Variants in EDARADD observed in about 807,000 individuals in gnomAD.
The protein encoded by EDARADD is EDAR associated via death domain, also known as ectodysplasin-A receptor-associated adapter protein.
In EDARADD, 20 loss-of-function variants were observed where a neutral mutation model predicts 25.6. That is an observed-to-expected ratio of 0.78 (90% confidence interval 0.55 to 1.14). EDARADD has a LOEUF of 1.14. EDARADD is among the 50% of genes most tolerant of loss of function. The pLI, the probability that EDARADD is intolerant of heterozygous loss-of-function variation, is 0.00. For missense variants in EDARADD, 225 were observed against 270.1 expected, an observed-to-expected ratio of 0.83 and a Z score of 1.17; for synonymous variants, 86 against 94.4, an observed-to-expected ratio of 0.91 and a Z score of 0.52.
At position 236,427,806 on chromosome 1, in the gene EDARADD, C is replaced by T. The variant is rs527635583; in HGVS notation, c.219+356C>T. Among the ~76,000 whole-genome samples, 15 of 152,092 alleles carry T rather than the reference C, an allele frequency of 9.9e-5. No homozygotes were observed. In the East Asian group the frequency reaches 2.1e-3, roughly 22 times the overall value. ...CAAAACTAGATACTCTAATATAATA[C>T]TTGTAATGCTTTATTAAACTTTAAT... On this transcript the variant is annotated intron_variant, in intron 4 of 5. Transcript: ENST00000334232.
chr1:236,463,325 A>T (rs554359586), intron 4 of EDARADD, among the ~76,000 whole-genome samples: 55 of 152,224 alleles, frequency 3.6e-4, no homozygotes, highest in African/African-American at 1.3e-3. Context: ...ACCTTTTTTA[A>T]CTCTGTCATC....
At position 236,424,642 on chromosome 1, in the gene EDARADD, C is replaced by T. The variant is rs529185664; in HGVS notation, c.161-2750C>T. On this transcript the variant is annotated intron_variant, in intron 3 of 5. Transcript: ENST00000334232. ...GGGGCCTTCCCTGTGGCAGTGGTTG[C>T]TCTCATATAGTTTAAAAACTGTGGG... Among the ~76,000 whole-genome samples the T allele has an allele frequency of 1.1e-4, 17 of 152,188 alleles. 1 individual carries two copies. The East Asian group carries it at 3.3e-3, about 29-fold the overall frequency.
chr1:236,433,309 C>T (rs1240564081), intron 4 of EDARADD, among the ~76,000 whole-genome samples: 1 of 121,368 alleles, frequency 8.2e-6, no homozygotes, highest in Non-Finnish European at 1.6e-5. Flanking sequence ...GTAATCCCAG[C>T]ACTTTGGGGG....
intron 2 of EDARADD, among the ~76,000 whole-genome samples, chr1:236,409,500 G>T (rs1657362437): frequency 6.6e-6 from 1 of 151,978 alleles, no homozygotes; most frequent in South Asian, 2.1e-4. Flanking sequence ...TGCTCATGTT[G>T]GAGGTGATAT....
rs573338034 is a variant in EDARADD, at chr1:236,366,099, G to A, written c.-6+15260G>A. On this transcript the variant is annotated intron_variant, in intron 3 of 7. Transcript: ENST00000439430. ...TCGGTGTCAGTTCTGGGACAGTTACGATTGATTACTCTCTCATTATGGGTC... is the reference window on the plus strand; with the variant it reads ...TCGGTGTCAGTTCTGGGACAGTTACAATTGATTACTCTCTCATTATGGGTC... Among the ~76,000 whole-genome samples the A allele has an allele frequency of 9.2e-5, 14 of 152,314 alleles. No homozygotes were observed. The East Asian group carries it at 1.3e-3, about 15-fold the overall frequency.
Position 236,369,918 on chromosome 1 carries a change from C to T in EDARADD, c.-6+19079C>T, listed in dbSNP as rs1360840508. Among the ~76,000 whole-genome samples, 4 of 152,330 alleles carry T rather than the reference C, an allele frequency of 2.6e-5. No homozygotes were observed. The East Asian group carries it at 5.8e-4, about 22-fold the overall frequency. Reference sequence around the variant, plus strand: ...GTTATCATACTTCAATTGTCCTACACATCCCTTCTGAACCACCACTTCTCT... The same window carrying T: ...GTTATCATACTTCAATTGTCCTACATATCCCTTCTGAACCACCACTTCTCT... On this transcript the variant is annotated intron_variant, in intron 3 of 7. Coordinates refer to the EDARADD transcript ENST00000439430.
intron 3 of EDARADD, among the ~76,000 whole-genome samples, chr1:236,358,764 AT>A (rs1667012179): frequency 6.6e-6 from 1 of 152,120 alleles, no homozygotes; most frequent in Non-Finnish European, 1.5e-5. Flanking sequence ...GTTATTTTGC[AT>A]TTGCTGAGGA....
At chr1:236,374,046 T>C (rs952271495) in intron 3 of EDARADD, among the ~76,000 whole-genome samples, 3 of 152,214 alleles carry the variant, frequency 2.0e-5, no homozygotes, top group African/African-American at 7.2e-5. Context: ...GTAATTTCTA[T>C]TCTTTTAAAT....
intron 5 of EDARADD, among the ~76,000 whole-genome samples, chr1:236,474,902 G>A (rs1659460965): frequency 6.6e-6 from 1 of 152,208 alleles, no homozygotes; most frequent in South Asian, 2.1e-4. Flanking sequence ...GGAGGCTGAG[G>A]CGGGTGGATC....
At chr1:236,379,035 AT>A (rs1401482364) in intron 3 of EDARADD, among the ~76,000 whole-genome samples, 2 of 151,730 alleles carry the variant, frequency 1.3e-5, no homozygotes. Flanking sequence ...TAAAAAAAAA[AT>A]CTGAGGAAAA....
chr1:236,446,332 A>T (rs1380412305), intron 4 of EDARADD, among the ~76,000 whole-genome samples: 32 of 152,132 alleles, frequency 2.1e-4, no homozygotes, highest in Non-Finnish European at 1.5e-5. Flanking sequence ...CAGGTGGATC[A>T]CAAGGTCAGG....
At chr1:236,458,627 T>C (rs1254540319) in intron 4 of EDARADD, among the ~76,000 whole-genome samples, 1 of 150,204 alleles carries the variant, frequency 6.7e-6, no homozygotes, top group Admixed American at 6.7e-5. Flanking sequence ...GTGTTTTTGG[T>C]ATTTTTTCTT....
chr1:236,350,217 G>A (rs1017022784), intron 2 of EDARADD, among the ~76,000 whole-genome samples: 2 of 152,244 alleles, frequency 1.3e-5, no homozygotes, highest in Non-Finnish European at 2.9e-5. Flanking sequence ...AGATGTGGCA[G>A]AGAAACACGT....
chr1:236,436,975 C>A (rs988487258), intron 4 of EDARADD, among the ~76,000 whole-genome samples: 11 of 152,228 alleles, frequency 7.2e-5, no homozygotes, highest in African/African-American at 2.7e-4. Context: ...ATCCCTCCAT[C>A]TTTCAAGTAT....
intron 4 of EDARADD, among the ~76,000 whole-genome samples, chr1:236,455,672 T>A (rs1658838545): frequency 6.6e-6 from 1 of 152,226 alleles, no homozygotes; most frequent in African/African-American, 2.4e-5. Context: ...TGCATTCCAG[T>A]CCAAACCAAC....
At chr1:236,470,462 T>G (rs980970704) in intron 5 of EDARADD, among the ~76,000 whole-genome samples, 1 of 152,244 alleles carries the variant, frequency 6.6e-6, no homozygotes, top group African/African-American at 2.4e-5. Flanking sequence ...GAAATTTGTT[T>G]AGAAATATTT....
In EDARADD at chr1:236,374,393, G is replaced by T. The variant is rs12074967; in HGVS notation, c.-6+23554G>T. Reference sequence around the variant, plus strand: ...GGCTCAAGTGATCTTCCCCACCTCAGCCTCCCAAGTAATTACAGGTATGCA... The same window carrying T: ...GGCTCAAGTGATCTTCCCCACCTCATCCTCCCAAGTAATTACAGGTATGCA... On this transcript the variant is annotated intron_variant, in intron 3 of 7. Transcript: ENST00000439430. Among the ~76,000 whole-genome samples the T allele has an allele frequency of 6.3e-3, 952 of 151,664 alleles. 10 individuals are homozygous for T. The highest frequency in any genetic ancestry group is 0.022 in the African/African-American group (895 of 41,298).
chr1:236,431,225 C>G (rs1658087162), intron 4 of EDARADD, among the ~76,000 whole-genome samples: 1 of 152,190 alleles, frequency 6.6e-6, no homozygotes, highest in African/African-American at 2.4e-5. Flanking sequence ...AAATCTGCTT[C>G]TACTAAGGAT....
At chr1:236,394,605 A>T in intron 1 of EDARADD, 100 bp downstream of exon 1, 1 of 1,032,900 alleles carries the variant, frequency 9.7e-7, no homozygotes, top group Non-Finnish European at 1.4e-6. Context: ...TACACTAAAT[A>T]CTATTATTAT....
Sources: allele counts gnomAD v4.1 joint callset (sites outside exome capture counted in the v4.1 genomes callset), GRCh38; gene constraint gnomAD v4.1.1; transcripts MANE v1.5; gene names NCBI Gene and HGNC (gene_info 2026-07-23, HGNC 2026-07-21).